MCPH1: variants seen among roughly 807,000 people sequenced by gnomAD.
MCPH1 encodes the protein microcephalin 1.
A neutral mutation model predicts 84.5 loss-of-function variants in MCPH1; 104 were observed. That is an observed-to-expected ratio of 1.23 (90% CI 1.05 to 1.45). MCPH1 has a LOEUF of 1.45. Ranked by LOEUF, MCPH1 falls within the 40% of genes most tolerant of loss-of-function variation. MCPH1 has a pLI of 0.00. For missense variants in MCPH1, 1,498 were observed against 1,005.7 expected (o/e 1.49, Z -6.62); for synonymous variants, 514 against 366.8 (o/e 1.40, Z -4.58).
intron 12 of MCPH1, among the ~76,000 whole-genome samples, chr8:6,568,320 A>ATGTGG (rs1354754997): frequency 1.3e-5 from 2 of 151,276 alleles, no homozygotes; most frequent in African/African-American, 4.9e-5. Flanking sequence ...TGAATGTGGA[A>ATGTGG]AAGGACTTAT....
At chr8:6,449,481 A>G (rs570152768) in intron 8 of MCPH1, among the ~76,000 whole-genome samples, 3 of 152,224 alleles carry the variant, frequency 2.0e-5, no homozygotes, top group African/African-American at 7.2e-5. Flanking sequence ...TAAAATTACA[A>G]AATTAGCCAG....
intron 12 of MCPH1, among the ~76,000 whole-genome samples, chr8:6,559,890 A>G (rs1488872338): frequency 6.6e-6 from 1 of 152,222 alleles, no homozygotes; most frequent in Admixed American, 6.5e-5. Flanking sequence ...TAACTACTAC[A>G]CAGTGAGTAA....
intron 11 of MCPH1, among the ~76,000 whole-genome samples, chr8:6,482,667 A>G (rs779581329): frequency 8.5e-5 from 13 of 152,220 alleles, no homozygotes; most frequent in Non-Finnish European, 1.2e-4. Context: ...TGCTGTCGAC[A>G]TGGATAGAGA....
intron 12 of MCPH1, among the ~76,000 whole-genome samples, chr8:6,526,800 C>T (rs1455462720): frequency 6.6e-6 from 1 of 152,140 alleles, no homozygotes; most frequent in Admixed American, 6.5e-5. Context: ...GAAATAGGCA[C>T]ACCAGGTATG....
Position 6,480,893 on chromosome 8 carries a change from A to G in MCPH1, c.2136+17A>G. On this transcript the variant is annotated intron_variant, in intron 11 of 13. Coordinates refer to ENST00000344683, the MANE Select transcript of MCPH1 (RefSeq NM_024596.5). ...TATGATTGGGTAAGCCCTGTGTGTG[A>G]ACTGCGTATTTTAAAACAAGGCATT... 1 of 1,613,096 alleles carries G rather than the reference A, an allele frequency of 6.2e-7. No homozygotes were observed. The highest frequency in any genetic ancestry group is 8.5e-7 in the Non-Finnish European group (1 of 1,179,972).
At chr8:6,532,058 T>C (rs921193295) in intron 12 of MCPH1, among the ~76,000 whole-genome samples, 2 of 152,244 alleles carry the variant, frequency 1.3e-5, no homozygotes, top group Non-Finnish European at 2.9e-5. Flanking sequence ...GTATTCATCT[T>C]GCAGTGGTTG....
At chr8:6,582,682 G>A (rs888250831) in intron 12 of MCPH1, among the ~76,000 whole-genome samples, 5 of 152,064 alleles carry the variant, frequency 3.3e-5, no homozygotes, top group East Asian at 1.9e-4. Context: ...TGCCTTCCCC[G>A]TCCAAGGAAA....
At chr8:6,598,992 G>A (rs1829154175) in intron 12 of MCPH1, among the ~76,000 whole-genome samples, 1 of 152,212 alleles carries the variant, frequency 6.6e-6, no homozygotes, top group African/African-American at 2.4e-5. Flanking sequence ...ATTCCTTAAG[G>A]CATGTATTTT....
At chr8:6,532,921 G>C (rs569924044) in intron 12 of MCPH1, among the ~76,000 whole-genome samples, 1 of 152,168 alleles carries the variant, frequency 6.6e-6, no homozygotes, top group African/African-American at 2.4e-5. Flanking sequence ...TCACATTCTA[G>C]ACTTTTGGTT....
chr8:6,520,035 A>T (rs1049340408), intron 12 of MCPH1: 1 of 1,600,722 alleles, frequency 6.2e-7, no homozygotes, highest in African/African-American at 1.3e-5. Flanking sequence ...AGTTCATGAA[A>T]AGACAAAGAC....
intron 12 of MCPH1, among the ~76,000 whole-genome samples, chr8:6,587,762 T>C (rs1828112211): frequency 1.3e-5 from 2 of 152,312 alleles, no homozygotes; most frequent in Non-Finnish European, 2.9e-5. Context: ...AGAAAGTCCA[T>C]GTGGAGACCC....
chr8:6,529,987 C>G (rs867484835), intron 12 of MCPH1, among the ~76,000 whole-genome samples: 4 of 151,900 alleles, frequency 2.6e-5, no homozygotes, highest in African/African-American at 4.8e-5. Flanking sequence ...TGTCCTAACA[C>G]TTTTTCATTA....
At chr8:6,565,074 A>T (rs1586652131) in intron 12 of MCPH1, among the ~76,000 whole-genome samples, 1 of 152,296 alleles carries the variant, frequency 6.6e-6, no homozygotes, top group African/African-American at 2.4e-5. Context: ...CCGTCGAAGA[A>T]AGCATATAGG....
chr8:6,463,218 C>A (rs193211332), intron 9 of MCPH1, among the ~76,000 whole-genome samples: 1 of 152,126 alleles, frequency 6.6e-6, no homozygotes, highest in African/African-American at 2.4e-5. Flanking sequence ...TGTCATCTCC[C>A]CCAGGAGGCA....
At chr8:6,503,302 T>C (rs376441724) in intron 12 of MCPH1, 2 of 1,610,172 alleles carry the variant, frequency 1.2e-6, no homozygotes, top group South Asian at 1.1e-5. Context: ...AACTAGGTGA[T>C]GCCAGCTCCC....
chr8:6,474,635 C>G (rs2440393), intron 9 of MCPH1, among the ~76,000 whole-genome samples: 146,659 of 152,328 alleles, frequency 0.96, 70,725 homozygotes, highest in East Asian at 1. Context: ...TTAAACTTTA[C>G]GAGTAACGTT....
chr8:6,511,504 T>C (rs936745908), intron 12 of MCPH1, among the ~76,000 whole-genome samples: 5 of 152,226 alleles, frequency 3.3e-5, no homozygotes, highest in African/African-American at 1.2e-4. Flanking sequence ...GCATTTCTTA[T>C]AACATGTATT....
At chr8:6,451,909 A>G (rs1009612789) in intron 8 of MCPH1, among the ~76,000 whole-genome samples, 1 of 152,260 alleles carries the variant, frequency 6.6e-6, no homozygotes, top group African/African-American at 2.4e-5. Context: ...GCATTGTAAG[A>G]GTAAATACTA....
intron 12 of MCPH1, among the ~76,000 whole-genome samples, chr8:6,529,917 C>G (rs1449048859): frequency 6.6e-6 from 1 of 151,112 alleles, no homozygotes; most frequent in East Asian, 1.9e-4. Flanking sequence ...AACACAAGTA[C>G]ATCAAATGCT....
Sources: allele counts gnomAD v4.1 joint callset (sites outside exome capture counted in the v4.1 genomes callset), GRCh38; gene constraint gnomAD v4.1.1; transcripts MANE v1.5; gene names NCBI Gene and HGNC (gene_info 2026-07-23, HGNC 2026-07-21).